XKR4: variants seen among roughly 807,000 people sequenced by gnomAD.
XKR4 encodes XK-related protein 4.
In XKR4, 12 loss-of-function variants were observed where a neutral mutation model predicts 53.9. The ratio of observed to expected loss-of-function variants is 0.22; its 90% confidence interval spans 0.14 to 0.36. XKR4 has a LOEUF of 0.36. Ranked by LOEUF, XKR4 falls within the 10% of genes least tolerant of loss-of-function variation. The pLI, the probability that XKR4 is intolerant of heterozygous loss-of-function variation, is 1.00. For missense variants in XKR4, 799 were observed against 859.5 expected (o/e 0.93, Z 0.88); for synonymous variants, 354 against 362.4 (o/e 0.98, Z 0.26).
intron 1 of XKR4, among the ~76,000 whole-genome samples, chr8:55,273,372 G>A (rs1818720314): frequency 1.3e-5 from 2 of 152,180 alleles, no homozygotes; most frequent in Admixed American, 6.6e-5. Flanking sequence ...TTTGGGAGAA[G>A]TTTAGTTTAT....
At chr8:55,144,054 C>T (rs1816739818) in intron 1 of XKR4, among the ~76,000 whole-genome samples, 1 of 152,172 alleles carries the variant, frequency 6.6e-6, no homozygotes, top group African/African-American at 2.4e-5. Context: ...ATTATCGCAG[C>T]AGACTTTTGG....
chr8:55,399,873 G>A (rs1300686897), intron 2 of XKR4, among the ~76,000 whole-genome samples: 1 of 152,174 alleles, frequency 6.6e-6, no homozygotes, highest in African/African-American at 2.4e-5. Context: ...GAGGATGCAG[G>A]CACAAAACCT....
At chr8:55,492,187 A>C (rs970440046) in intron 2 of XKR4, among the ~76,000 whole-genome samples, 13 of 152,136 alleles carry the variant, frequency 8.5e-5, no homozygotes, top group African/African-American at 2.9e-4. Flanking sequence ...TCTGTTGTTC[A>C]GTATCTGAAA....
rs553510125 is a variant in XKR4 at position 55,541,785 on chromosome 8, C to G, written c.*17558C>G. The G allele has an allele frequency of 2.0e-3, 301 of 152,220 alleles. 1 individual carries two copies. The highest frequency in any genetic ancestry group is 7.0e-3 in the African/African-American group (289 of 41,538). The allele number at this position is 152,220 out of a possible 1,614,324, so 9.4% of individuals were successfully genotyped here. A position where few individuals can be genotyped will look rare whatever the true frequency, so the allele number is the denominator to read the frequency against. Reference sequence around the variant, plus strand: ...ATATATATATTCAAATTCCATGTATCCAAACATCCCTTTAGCGTTCAGATT... The same window carrying G: ...ATATATATATTCAAATTCCATGTATGCAAACATCCCTTTAGCGTTCAGATT... On this transcript the variant is annotated 3_prime_UTR_variant, in exon 3 of 3. Coordinates refer to ENST00000327381, the MANE Select transcript of XKR4 (RefSeq NM_052898.2).
intron 1 of XKR4, among the ~76,000 whole-genome samples, chr8:55,110,726 AT>A (rs1816219871): frequency 6.6e-6 from 1 of 152,150 alleles, no homozygotes; most frequent in Non-Finnish European, 1.5e-5. Context: ...AAGCTATCTG[AT>A]AGGTATTTTT....
At chr8:55,181,448 C>G (rs11784861) in intron 1 of XKR4, among the ~76,000 whole-genome samples, 31,196 of 152,102 alleles carry the variant, frequency 0.21, 3,814 homozygotes, top group Middle Eastern at 0.36. Flanking sequence ...TTACTGTCCT[C>G]CTTCCTTTCA....
At chr8:55,472,380 C>G (rs148466610) in intron 2 of XKR4, among the ~76,000 whole-genome samples, 373 of 152,214 alleles carry the variant, frequency 2.5e-3, no homozygotes, top group Non-Finnish European at 4.9e-3. Context: ...CAAATTCAGT[C>G]AGATAGATGT....
At chr8:55,209,687 G>A (rs1190565261) in intron 1 of XKR4, among the ~76,000 whole-genome samples, 2 of 152,140 alleles carry the variant, frequency 1.3e-5, no homozygotes, top group Non-Finnish European at 2.9e-5. Context: ...TGGCTGTGAG[G>A]CCAGGTGCGT....
intron 2 of XKR4, among the ~76,000 whole-genome samples, chr8:55,370,073 C>CAAA (rs2129385979): frequency 6.6e-6 from 1 of 151,760 alleles, no homozygotes; most frequent in African/African-American, 2.4e-5. Context: ...GGAAAAACAA[C>CAAA]AACAACAACA....
chr8:55,155,184 G>A (rs1310085283), intron 1 of XKR4, among the ~76,000 whole-genome samples: 2 of 152,114 alleles, frequency 1.3e-5, no homozygotes, highest in Non-Finnish European at 2.9e-5. Flanking sequence ...AATGCTGCGC[G>A]CTGATCTCCA....
At chr8:55,315,577 T>G (rs1040599727) in intron 1 of XKR4, among the ~76,000 whole-genome samples, 6 of 152,114 alleles carry the variant, frequency 3.9e-5, no homozygotes, top group African/African-American at 1.4e-4. Flanking sequence ...AAGGATTGCT[T>G]GGGTCCAGGA....
At chr8:55,274,273 T>G (rs1818734870) in intron 1 of XKR4, among the ~76,000 whole-genome samples, 1 of 152,218 alleles carries the variant, frequency 6.6e-6, no homozygotes, top group Non-Finnish European at 1.5e-5. Context: ...ATTTCTTTTC[T>G]CACAGTTCTG....
At chr8:55,488,539 G>T (rs984375618) in intron 2 of XKR4, among the ~76,000 whole-genome samples, 2 of 152,194 alleles carry the variant, frequency 1.3e-5, no homozygotes, top group Non-Finnish European at 2.9e-5. Context: ...GAAAGACTTG[G>T]AGGAATTTTA....
chr8:55,152,335 A>C (rs990510436), intron 1 of XKR4, among the ~76,000 whole-genome samples: 2 of 152,290 alleles, frequency 1.3e-5, no homozygotes, highest in East Asian at 1.9e-4. Flanking sequence ...ATTTTAAAGG[A>C]TTCTCCAGAG....
At chr8:55,317,500 G>A (rs1003720643) in intron 1 of XKR4, among the ~76,000 whole-genome samples, 4 of 152,176 alleles carry the variant, frequency 2.6e-5, no homozygotes, top group South Asian at 4.1e-4. Flanking sequence ...TACTGCATCT[G>A]AGAAAGCAGG....
chr8:55,278,872 T>C (rs1417347540), intron 1 of XKR4, among the ~76,000 whole-genome samples: 2 of 152,188 alleles, frequency 1.3e-5, no homozygotes, highest in African/African-American at 4.8e-5. Context: ...CTCCAGCTTC[T>C]GTGGGCAACT....
At chr8:55,477,810 G>C (rs541807992) in intron 2 of XKR4, among the ~76,000 whole-genome samples, 1 of 152,022 alleles carries the variant, frequency 6.6e-6, no homozygotes, top group South Asian at 2.1e-4. Context: ...TATCAGTGAC[G>C]GAAGATGAAA....
chr8:55,171,890 C>G (rs1388871490), intron 1 of XKR4, among the ~76,000 whole-genome samples: 2 of 152,148 alleles, frequency 1.3e-5, no homozygotes, highest in Non-Finnish European at 2.9e-5. Context: ...CCCGGCTGTC[C>G]TTCTTGCCCC....
intron 1 of XKR4, among the ~76,000 whole-genome samples, chr8:55,114,428 A>G (rs779052290): frequency 4.6e-5 from 7 of 152,066 alleles, no homozygotes; most frequent in Admixed American, 2.0e-4. Context: ...TGCATGTTTG[A>G]CTGAGAATTT....
Sources: gnomAD v4.1 joint callset for allele counts (sites outside exome capture counted in the v4.1 genomes callset) on GRCh38, gnomAD v4.1.1 for gene constraint, MANE v1.5 for transcripts, NCBI Gene and HGNC (gene_info 2026-07-23, HGNC 2026-07-21) for gene names.